Variants in SNAPC3 observed in about 807,000 individuals in gnomAD.
SNAPC3 encodes snRNA-activating protein complex subunit 3.
SNAPC3 carries 56 observed loss-of-function variants against 47.7 expected under a neutral mutation model. The ratio of observed to expected loss-of-function variants is 1.18; its 90% CI spans 0.95 to 1.47. The LOEUF (loss-of-function observed/expected upper bound fraction) is 1.47, where lower values mean the gene tolerates loss of function less well. Among genes scored for constraint, SNAPC3 ranks in the 40% most tolerant of loss-of-function variants. The pLI is 0.00. For missense variants in SNAPC3, 665 were observed against 511.3 expected (o/e 1.30, Z -2.90); for synonymous variants, 235 against 189.9 (o/e 1.24, Z -1.95).
intron 2 of SNAPC3, among the ~76,000 whole-genome samples, chr9:15,432,455 T>G (rs543253010): frequency 6.6e-6 from 1 of 152,194 alleles, no homozygotes; most frequent in Admixed American, 6.5e-5. Context: ...AGTGGTTGAT[T>G]CCGGGGACGA....
intron 7 of SNAPC3, among the ~76,000 whole-genome samples, chr9:15,454,494 C>G (rs2034625662): frequency 6.6e-6 from 1 of 152,134 alleles, no homozygotes; most frequent in Non-Finnish European, 1.5e-5. Flanking sequence ...AGCTTTACAC[C>G]AGACCCAGAG....
chr9:15,448,885 C>T (rs12003141), intron 5 of SNAPC3, among the ~76,000 whole-genome samples: 1 of 152,050 alleles, frequency 6.6e-6, no homozygotes, highest in Non-Finnish European at 1.5e-5. Context: ...TCTCGGCTCA[C>T]TGCAACTTTC....
In SNAPC3 at chr9:15,444,068, A is replaced by G. The variant is rs985261309; in HGVS notation, c.478-534A>G. ...AAAACTCCTGCATCTAAACCAGTTC[A>G]GCCTGGCCCCTATTTTATATTAATT... On this transcript the variant is annotated intron_variant, in intron 3 of 8. Transcript: ENST00000380821. Among the ~76,000 whole-genome samples, 10 of 152,202 alleles carry G rather than the reference A, an allele frequency of 6.6e-5. No individual in the cohort carries two copies. The East Asian group carries it at 1.5e-3, about 23-fold the overall frequency.
chr9:15,455,703 CTT>C (rs753310205), intron 7 of SNAPC3, among the ~76,000 whole-genome samples: 11 of 144,002 alleles, frequency 7.6e-5, no homozygotes, highest in Admixed American at 2.1e-4. Flanking sequence ...ATATATTTTT[CTT>C]TTTTTTTTTT....
Position 15,453,207 on chromosome 9 carries a change from T to C in SNAPC3, c.980+2T>C, listed in dbSNP as rs2034526123. ...TGTCATTGTCATTACTGACATAAGG[T>C]AGGTGACAGCACTTAAGACATTTTG... On this transcript the variant is annotated splice_donor_variant, in intron 7 of 8. Coordinates refer to ENST00000380821, the MANE Select transcript of SNAPC3 (RefSeq NM_001039697.2). LOFTEE classifies it high-confidence loss of function. 6.2e-7 allele frequency: 1 copy of C among 1,604,752 alleles called. No individual in the cohort carries two copies. The highest frequency in any genetic ancestry group is 1.3e-5 in the African/African-American group (1 of 74,564).
intron 3 of SNAPC3, among the ~76,000 whole-genome samples, chr9:15,435,607 T>C (rs2032698529): frequency 1.3e-5 from 2 of 151,348 alleles, no homozygotes; most frequent in African/African-American, 4.9e-5. Flanking sequence ...GGCAGGCGCC[T>C]GTAATCCCAG....
At chr9:15,466,519 T>G (rs548303939), downstream of SNAPC3, among the ~76,000 whole-genome samples, 1 of 152,360 alleles carries the variant, frequency 6.6e-6, no homozygotes, top group South Asian at 2.1e-4. Context: ...TATTTTCTTT[T>G]TAACTGGGTT....
chr9:15,428,265 G>A (rs570108320), intron 2 of SNAPC3, among the ~76,000 whole-genome samples: 7 of 152,200 alleles, frequency 4.6e-5, no homozygotes, highest in South Asian at 2.1e-4. Flanking sequence ...AAAATCTAAC[G>A]AGAGCTTGTT....
chr9:15,450,301 G>A (rs933882803), intron 5 of SNAPC3, among the ~76,000 whole-genome samples: 1 of 152,040 alleles, frequency 6.6e-6, no homozygotes, highest in Non-Finnish European at 1.5e-5. Flanking sequence ...TGTCTGATGC[G>A]AACACAAGAT....
intron 5 of SNAPC3, 46 bp from the exon 6 acceptor site, chr9:15,451,274 A>G: frequency 2.6e-6 from 2 of 763,364 alleles, no homozygotes; most frequent in Non-Finnish European, 4.3e-6. Flanking sequence ...CAATTTCATC[A>G]TTGTTAATAG....
chr9:15,435,327 C>T lies in SNAPC3; in HGVS notation c.477+1691C>T, dbSNP rs540666569. Among the ~76,000 whole-genome samples, 21 of 152,300 alleles carry T rather than the reference C, an allele frequency of 1.4e-4. 1 individual carries two copies. The South Asian group carries it at 4.3e-3, about 32-fold the overall frequency. On this transcript the variant is annotated intron_variant, in intron 3 of 8. Coordinates refer to ENST00000380821, the MANE Select transcript of SNAPC3 (RefSeq NM_001039697.2). ...ATGGCTAACGCTTGTAATCCCAGCA[C>T]TTTGGGAGGCCGAGGTGGGTGGATC...
In SNAPC3 at chr9:15,458,005, CCTT is replaced by C. The variant is rs1279933984; in HGVS notation, c.1027_1029del (p.Leu343del). ...GCTTGGATAGGACATTGTATCCCCT[CCTT>C]ATCAAGAAGCATTGGCTATGGACCA... is the stretch of plus-strand genomic sequence containing the variant. On this transcript the variant is annotated inframe_deletion, in exon 8 of 9. Coordinates refer to ENST00000380821, the MANE Select transcript of SNAPC3 (RefSeq NM_001039697.2). The C allele has an allele frequency of 2.5e-6, 4 of 1,598,492 alleles. No homozygotes were observed. In the Admixed American group the frequency reaches 5.4e-5, roughly 21 times the overall value.
Position 15,443,042 on chromosome 9 carries a change from G to A in SNAPC3, c.478-1560G>A, listed in dbSNP as rs141990793. Among the ~76,000 whole-genome samples the A allele has an allele frequency of 1.5e-4, 23 of 152,336 alleles. No homozygotes were observed. The East Asian group carries it at 4.4e-3, about 29-fold the overall frequency. On this transcript the variant is annotated intron_variant, in intron 3 of 8. Coordinates refer to ENST00000380821, the MANE Select transcript of SNAPC3 (RefSeq NM_001039697.2). ...GAAAACCAGTCAGGCGTGGCGGCGC[G>A]CACCCGCAATCCCAGGCACTCGGCA... is the stretch of plus-strand genomic sequence containing the variant.
At chr9:15,441,882 A>C (rs1026466588) in intron 3 of SNAPC3, among the ~76,000 whole-genome samples, 4 of 152,204 alleles carry the variant, frequency 2.6e-5, no homozygotes, top group East Asian at 1.9e-4. Context: ...CATCGTCATC[A>C]TGGCCCGTTC....
downstream of SNAPC3, among the ~76,000 whole-genome samples, chr9:15,466,280 G>A (rs2035620277): frequency 6.6e-6 from 1 of 151,888 alleles, no homozygotes; most frequent in African/African-American, 2.4e-5. Flanking sequence ...TTGGGAGGCT[G>A]AGGCAGGAGA....
At chr9:15,423,313 A>G (rs1018213778) in intron 1 of SNAPC3, 120 bp downstream of exon 1, 6 of 1,044,728 alleles carry the variant, frequency 5.7e-6, no homozygotes, top group Non-Finnish European at 8.0e-6. Flanking sequence ...GGCTAGGAGT[A>G]TTACCCTTTA....
downstream of SNAPC3, chr9:15,463,508 TGGGGTG>T (rs2035384882): frequency 1.5e-4 from 1 of 6,740 alleles, no homozygotes; most frequent in Non-Finnish European, 2.8e-4. Flanking sequence ...TGGGGTGGGG[TGGGGTG>T]GGGTGGGGTG....
chr9:15,455,722 G>GA lies in SNAPC3; in HGVS notation c.981-2238_981-2237insA, dbSNP rs1442536784. ...ATTTTTCTTTTTTTTTTTTTGAGAC[G>GA]GAGTTTCGCTCTGTTGCCTAGGCTG... On this transcript the variant is annotated intron_variant, in intron 7 of 8. Coordinates refer to ENST00000380821, the MANE Select transcript of SNAPC3 (RefSeq NM_001039697.2). 4.0e-5 allele frequency among the ~76,000 whole-genome samples: 6 copies of GA among 149,278 alleles called. No homozygotes were observed. The East Asian group carries it at 1.2e-3, about 29-fold the overall frequency.
chr9:15,429,361 C>G (rs2031852121), intron 2 of SNAPC3, among the ~76,000 whole-genome samples: 2 of 152,130 alleles, frequency 1.3e-5, no homozygotes, highest in Non-Finnish European at 2.9e-5. Context: ...TGAGCTTTAT[C>G]CAACCAATTG....
Sources: allele counts gnomAD v4.1 joint callset (sites outside exome capture counted in the v4.1 genomes callset), GRCh38; gene constraint gnomAD v4.1.1; transcripts MANE v1.5; gene names NCBI Gene and HGNC (gene_info 2026-07-23, HGNC 2026-07-21).